The following CDH13 variants were observed in gnomAD, a reference collection of about 807,000 sequenced individuals.
CDH13 encodes cadherin-13.
Under a neutral mutation model 63.8 loss-of-function variants are expected in CDH13, and 24 were observed. The ratio of observed to expected loss-of-function variants is 0.38; its 90% confidence interval spans 0.27 to 0.53. CDH13 has a LOEUF of 0.53. Among genes scored for constraint, CDH13 ranks in the 20% least tolerant of loss-of-function variants. CDH13 has a pLI of 0.85. For missense variants in CDH13, 1,049 were observed against 903.1 expected (o/e 1.16, Z -2.07); for synonymous variants, 503 against 355.3 (o/e 1.42, Z -4.67).
intron 6 of CDH13, among the ~76,000 whole-genome samples, chr16:83,429,047 A>G (rs1056288496): frequency 1.3e-5 from 2 of 152,232 alleles, no homozygotes; most frequent in Admixed American, 6.5e-5. Context: ...TAAGACAGTT[A>G]CCAAAGGAAG....
chr16:83,192,812 A>C (rs1477966963), intron 4 of CDH13, among the ~76,000 whole-genome samples: 11 of 152,082 alleles, frequency 7.2e-5, no homozygotes, highest in African/African-American at 2.7e-4. Context: ...ACTGCCCCCT[A>C]AGTGTGGGTG....
chr16:83,063,581 C>T (rs1051259237), intron 3 of CDH13, among the ~76,000 whole-genome samples: 1 of 152,158 alleles, frequency 6.6e-6, no homozygotes, highest in Non-Finnish European at 1.5e-5. Flanking sequence ...GTTAGCATGA[C>T]CAGACTTGCC....
chr16:83,009,795 A>T (rs937461824), intron 2 of CDH13, among the ~76,000 whole-genome samples: 2 of 152,210 alleles, frequency 1.3e-5, no homozygotes, highest in African/African-American at 4.8e-5. Flanking sequence ...ACACTTGAGC[A>T]TGAACAAATA....
In CDH13 at chr16:83,562,849, G is replaced by A. The variant is rs572048628; in HGVS notation, c.961-39605G>A. On this transcript the variant is annotated intron_variant, in intron 7 of 13. Transcript: ENST00000567109. The stretch of plus-strand genomic sequence containing the variant: ...ATGCATCTGAAAAATAACTAGAAGT[G>A]CTATTCTACTGTTACTATAAAGGAC... Among the ~76,000 whole-genome samples the A allele has an allele frequency of 2.6e-5, 4 of 152,302 alleles. No individual in the cohort carries two copies. The South Asian group carries it at 8.3e-4, about 32-fold the overall frequency.
At chr16:82,635,744 C>T (rs190586800) in intron 1 of CDH13, among the ~76,000 whole-genome samples, 1 of 152,092 alleles carries the variant, frequency 6.6e-6, no homozygotes, top group Non-Finnish European at 1.5e-5. Flanking sequence ...CTGTCCCCAC[C>T]CAAATCTCAT....
intron 2 of CDH13, among the ~76,000 whole-genome samples, chr16:82,911,314 G>C (rs540843811): frequency 6.6e-6 from 1 of 152,326 alleles, no homozygotes; most frequent in East Asian, 1.9e-4. Context: ...TAGTTTATCA[G>C]TTCAGCTGAG....
chr16:82,627,718 T>A (rs1366493192), intron 1 of CDH13, among the ~76,000 whole-genome samples: 1 of 152,070 alleles, frequency 6.6e-6, no homozygotes, highest in Non-Finnish European at 1.5e-5. Context: ...CGGCTGCTGC[T>A]GTCGCTCAAA....
intron 1 of CDH13, among the ~76,000 whole-genome samples, chr16:82,833,857 T>C (rs1218719751): frequency 6.6e-6 from 1 of 152,164 alleles, no homozygotes; most frequent in Non-Finnish European, 1.5e-5. Context: ...GATGCGATTA[T>C]AATGTGAAAA....
At chr16:82,891,394 G>A (rs1024981071) in intron 2 of CDH13, among the ~76,000 whole-genome samples, 5 of 152,160 alleles carry the variant, frequency 3.3e-5, no homozygotes, top group Admixed American at 2.0e-4. Context: ...ATCTCTTCAA[G>A]GTTAAGACTC....
At chr16:82,834,384 G>A (rs368318938) in intron 1 of CDH13, among the ~76,000 whole-genome samples, 16 of 152,180 alleles carry the variant, frequency 1.1e-4, no homozygotes, top group African/African-American at 2.2e-4. Context: ...TTTATCTGTC[G>A]ATTCAAAGAG....
chr16:83,324,138 A>G (rs1056678555), intron 5 of CDH13, among the ~76,000 whole-genome samples: 1 of 151,518 alleles, frequency 6.6e-6, no homozygotes, highest in African/African-American at 2.4e-5. Context: ...CCCAGGTTCA[A>G]GTAGTTCCTT....
rs533981341 is a variant in CDH13 at position 83,423,717 on chromosome 16, C to T, written c.782-62760C>T. Among the ~76,000 whole-genome samples, 35 of 152,192 alleles carry T rather than the reference C, an allele frequency of 2.3e-4. No homozygotes were observed. The South Asian group carries it at 7.3e-3, about 32-fold the overall frequency. Reference sequence around the variant, plus strand: ...TAGTATAAATTATTGTATATTAAACCCTAATAAATATGTAGGATCAAAACA... The same window carrying T: ...TAGTATAAATTATTGTATATTAAACTCTAATAAATATGTAGGATCAAAACA... On this transcript the variant is annotated intron_variant, in intron 6 of 13. Transcript: ENST00000567109.
chr16:82,720,187 G>T (rs1057180070), intron 1 of CDH13, among the ~76,000 whole-genome samples: 1 of 151,998 alleles, frequency 6.6e-6, no homozygotes, highest in African/African-American at 2.4e-5. Context: ...AGTGGTGGTG[G>T]GTTAAATCAA....
intron 1 of CDH13, among the ~76,000 whole-genome samples, chr16:82,666,133 G>A (rs1207901779): frequency 2.0e-5 from 3 of 152,068 alleles, no homozygotes; most frequent in Admixed American, 6.5e-5. Flanking sequence ...ACGATCTCAC[G>A]TCTGTTTTTT....
intron 6 of CDH13, among the ~76,000 whole-genome samples, chr16:83,431,723 A>G (rs1344971350): frequency 6.6e-6 from 1 of 152,108 alleles, no homozygotes; most frequent in Non-Finnish European, 1.5e-5. Flanking sequence ...TCAAACAACC[A>G]GGTCTCATAA....
chr16:83,520,882 T>A (rs905652503), intron 7 of CDH13, among the ~76,000 whole-genome samples: 11 of 152,146 alleles, frequency 7.2e-5, no homozygotes, highest in African/African-American at 2.7e-4. Flanking sequence ...TTCATCCAAG[T>A]TTTATTTAAA....
rs1567745599 is a variant in CDH13 at position 83,014,760 on chromosome 16, A to ATG, written c.158-17249_158-17248insGT. Among the ~76,000 whole-genome samples the ATG allele has an allele frequency of 1.6e-3, 88 of 55,048 alleles. 3 individuals carry two copies. Among genetic ancestry groups the ATG allele is most frequent in the Middle Eastern group, 9.4e-3 (1 of 106 alleles). 36.1% of individuals were successfully genotyped at this position (55,048 alleles called of 152,430 possible). A position where few individuals can be genotyped will look rare whatever the true frequency, so the allele number is the denominator to read the frequency against. On this transcript the variant is annotated intron_variant, in intron 2 of 13. Transcript: ENST00000567109. ...AAAAAAAAAATATATATATATATAT[A>ATG]TATATATATATATATGTATATATAT...
At chr16:83,014,868 G>GTGTA (rs1914600773) in intron 2 of CDH13, among the ~76,000 whole-genome samples, 1 of 79,174 alleles carries the variant, frequency 1.3e-5, no homozygotes, top group Non-Finnish European at 2.4e-5. Flanking sequence ...ATATATATAT[G>GTGTA]TATATATATA....
chr16:83,248,880 G>A (rs922151889), intron 5 of CDH13, among the ~76,000 whole-genome samples: 1 of 152,188 alleles, frequency 6.6e-6, no homozygotes, highest in Non-Finnish European at 1.5e-5. Flanking sequence ...ATCCTCAAAT[G>A]TGATGTGATG....
Sources: allele counts gnomAD v4.1 joint callset (sites outside exome capture counted in the v4.1 genomes callset), GRCh38; gene constraint gnomAD v4.1.1; transcripts MANE v1.5; gene names NCBI Gene and HGNC (gene_info 2026-07-23, HGNC 2026-07-21).